The following PLEKHA5 variants were observed in gnomAD, a reference collection of about 807,000 sequenced individuals.
PLEKHA5 encodes the protein pleckstrin homology domain-containing family A member 5.
PLEKHA5 carries 55 observed loss-of-function variants against 181.9 expected under a neutral mutation model. The observed-to-expected ratio is 0.30, with a 90% CI of 0.24 to 0.38. The LOEUF is 0.38. Ranked by LOEUF, PLEKHA5 falls within the 10% of genes least tolerant of loss-of-function variation. The probability of loss-of-function intolerance (pLI) is 1.00; values close to 1 mark genes in which losing one functional copy is unlikely to be tolerated. For synonymous variants in PLEKHA5, 535 were observed against 529.4 expected (o/e 1.01, Z -0.15); for missense variants, 1,432 against 1,549.5 (o/e 0.92, Z 1.27).
Position 19,251,860 on chromosome 12 carries a change from G to C in PLEKHA5, c.228-2080G>C, listed in dbSNP as rs560387015. Among the ~76,000 whole-genome samples the C allele has an allele frequency of 2.0e-5, 3 of 151,606 alleles. No individual in the cohort carries two copies. In the South Asian group the frequency reaches 6.2e-4, roughly 32 times the overall value. On this transcript the variant is annotated intron_variant, in intron 3 of 31. Coordinates refer to ENST00000429027, the MANE Select transcript of PLEKHA5 (RefSeq NM_001256470.2). ...CTTTGGTAGAATTGAGAAAAGGCTA[G>C]AATCATTGTCTTCCCTTCCCTGCCC... is the stretch of plus-strand genomic sequence containing the variant.
At chr12:19,265,672 T>G in intron 7 of PLEKHA5, 78 bp from the exon 8 acceptor site, 1 of 791,588 alleles carries the variant, frequency 1.3e-6, no homozygotes, top group South Asian at 1.6e-5. Flanking sequence ...ACCTTTTGAT[T>G]TGGCAAAAAT....
At chr12:19,221,819 C>G (rs1003112248) in intron 3 of PLEKHA5, among the ~76,000 whole-genome samples, 3 of 152,048 alleles carry the variant, frequency 2.0e-5, no homozygotes, top group African/African-American at 2.4e-5. Context: ...GTAAGGTCAT[C>G]AAAAACAAGA....
chr12:19,336,077 A>G (rs2093407048), intron 20 of PLEKHA5, among the ~76,000 whole-genome samples: 1 of 152,186 alleles, frequency 6.6e-6, no homozygotes, highest in Non-Finnish European at 1.5e-5. Flanking sequence ...GATGGATAAT[A>G]GTGTCTATAT....
chr12:19,168,397 A>T (rs1438416391), intron 3 of PLEKHA5, among the ~76,000 whole-genome samples: 1 of 152,182 alleles, frequency 6.6e-6, no homozygotes. Context: ...AAAGTGAATT[A>T]TATCTTATTT....
intron 3 of PLEKHA5, among the ~76,000 whole-genome samples, chr12:19,232,746 C>T (rs1341201512): frequency 6.6e-6 from 1 of 152,052 alleles, no homozygotes; most frequent in East Asian, 1.9e-4. Context: ...TGAAATTTCA[C>T]CTCTAAAAGA....
chr12:19,286,200 T>G (rs1045741379), intron 12 of PLEKHA5, among the ~76,000 whole-genome samples: 2 of 152,236 alleles, frequency 1.3e-5, no homozygotes, highest in African/African-American at 4.8e-5. Flanking sequence ...TATGTCAATA[T>G]TTAGAACATT....
intron 3 of PLEKHA5, among the ~76,000 whole-genome samples, chr12:19,249,425 T>C (rs1368644411): frequency 6.6e-6 from 1 of 152,072 alleles, no homozygotes; most frequent in Non-Finnish European, 1.5e-5. Flanking sequence ...ACATCATAGA[T>C]GGGATGGAGC....
chr12:19,239,053 T>G (rs545820923), intron 3 of PLEKHA5, among the ~76,000 whole-genome samples: 29 of 152,314 alleles, frequency 1.9e-4, no homozygotes, highest in Non-Finnish European at 3.5e-4. Flanking sequence ...CTTAAGGCCC[T>G]TATAGTCTTA....
intron 7 of PLEKHA5, among the ~76,000 whole-genome samples, chr12:19,263,934 GTC>G (rs1179452097): frequency 2.6e-5 from 4 of 152,128 alleles, no homozygotes; most frequent in Admixed American, 6.6e-5. Flanking sequence ...CAGTCTATGA[GTC>G]TCTCTAGGTA....
At position 19,369,348 on chromosome 12, in the gene PLEKHA5, T is replaced by A. The variant is rs950912189; in HGVS notation, c.3755-345T>A. On this transcript the variant is annotated intron_variant, in intron 30 of 31. Transcript: ENST00000429027. Reference sequence around the variant, plus strand: ...CCACGCCCAGCCAAAAAAAAAAAAATTTTTAAGTAGTTGTCAGGAAATATT... The same window carrying A: ...CCACGCCCAGCCAAAAAAAAAAAAAATTTTAAGTAGTTGTCAGGAAATATT... 2.4e-3 allele frequency among the ~76,000 whole-genome samples: 269 copies of A among 113,506 alleles called. 1 individual carries two copies. The highest frequency in any genetic ancestry group is 3.9e-3 in the Non-Finnish European group (195 of 50,240). 74.5% of individuals were successfully genotyped at this position (113,506 alleles called of 152,430 possible).
rs1294613672 is a variant in PLEKHA5, at chr12:19,345,449, T to TA, written c.2663-393_2663-392insA. ...AAAATAAATAAAAATAAAAATAAAT[T>TA]TAAAAAAAAATACATGAAATTGTTC... On this transcript the variant is annotated intron_variant, in intron 22 of 31. Transcript: ENST00000429027. Among the ~76,000 whole-genome samples, 47 of 146,584 alleles carry TA rather than the reference T, an allele frequency of 3.2e-4. 1 individual carries two copies. The highest frequency in any genetic ancestry group is 7.1e-4 in the African/African-American group (28 of 39,558).
intron 15 of PLEKHA5, among the ~76,000 whole-genome samples, chr12:19,297,094 T>C (rs1032784044): frequency 1.7e-4 from 26 of 152,014 alleles, no homozygotes; most frequent in African/African-American, 5.8e-4. Context: ...AGTATGTAGA[T>C]GGAGATGTGC....
At chr12:19,185,386 C>G (rs1230412128) in intron 3 of PLEKHA5, among the ~76,000 whole-genome samples, 1 of 151,898 alleles carries the variant, frequency 6.6e-6, no homozygotes, top group Non-Finnish European at 1.5e-5. Flanking sequence ...TCCTTAAGCT[C>G]TGGAGAACGA....
chr12:19,359,621 A>G, intron 28 of PLEKHA5, 75 bp downstream of exon 28: 2 of 1,421,358 alleles, frequency 1.4e-6, no homozygotes. Flanking sequence ...TAAGGTTGAA[A>G]ATAAAGTGTG....
intron 29 of PLEKHA5, 98 bp downstream of exon 29, chr12:19,361,804 C>T (rs889577160): frequency 1.8e-5 from 18 of 976,862 alleles, no homozygotes; most frequent in Non-Finnish European, 2.5e-5. Context: ...TCAGCCCCAG[C>T]TTAGCTACCT....
chr12:19,131,856 C>T (rs1266851704), intron 2 of PLEKHA5, among the ~76,000 whole-genome samples: 2 of 152,168 alleles, frequency 1.3e-5, no homozygotes, highest in Non-Finnish European at 1.5e-5. Flanking sequence ...TGAAACTTCA[C>T]GTCTCTTAGT....
intron 3 of PLEKHA5, among the ~76,000 whole-genome samples, chr12:19,250,367 G>C (rs373063382): frequency 1.3e-5 from 2 of 152,214 alleles, no homozygotes; most frequent in South Asian, 2.1e-4. Context: ...GGTGGATCGC[G>C]TGAGGACAGG....
At chr12:19,334,829 A>AAAATATATATAT in intron 20 of PLEKHA5, among the ~76,000 whole-genome samples, 3 of 18,598 alleles carry the variant, frequency 1.6e-4, no homozygotes, top group African/African-American at 3.6e-4. Flanking sequence ...AAAAAAAAAA[A>AAAATATATATAT]ATATATATAT....
chr12:19,247,400 C>A (rs991566754), intron 3 of PLEKHA5, among the ~76,000 whole-genome samples: 1 of 152,046 alleles, frequency 6.6e-6, no homozygotes, highest in Non-Finnish European at 1.5e-5. Context: ...CAGTAGTTAC[C>A]TACGTAATTC....
Sources: gnomAD v4.1 joint callset for allele counts (sites outside exome capture counted in the v4.1 genomes callset) on GRCh38, gnomAD v4.1.1 for gene constraint, MANE v1.5 for transcripts, NCBI Gene and HGNC (gene_info 2026-07-23, HGNC 2026-07-21) for gene names.